The following LCOR variants were observed in gnomAD, a reference collection of about 807,000 sequenced individuals.
LCOR encodes the protein ligand-dependent corepressor.
A neutral mutation model predicts 64.4 loss-of-function variants in LCOR; 14 were observed. The observed-to-expected ratio is 0.22, with a 90% CI of 0.14 to 0.34. The LOEUF is 0.34. LCOR is among the 10% of genes least tolerant of loss of function. The pLI is 1.00. For synonymous variants in LCOR, 643 were observed against 642.5 expected (o/e 1.00, Z -0.01); for missense variants, 1,686 against 1,765.3 (o/e 0.96, Z 0.80).
At chr10:96,930,007 C>T (rs1161376766) in intron 4 of LCOR, among the ~76,000 whole-genome samples, 2 of 152,262 alleles carry the variant, frequency 1.3e-5, no homozygotes, top group African/African-American at 4.8e-5. Context: ...ACTACAGTAA[C>T]ATAAAAAATC....
rs1182593104 is a variant in LCOR at position 96,982,376 on chromosome 10, C to T, written c.1916C>T (p.Pro639Leu). 1.9e-6 allele frequency: 3 copies of T among 1,614,202 alleles called. No homozygotes were observed. The highest frequency in any genetic ancestry group is 1.7e-6 in the Non-Finnish European group (2 of 1,180,030). ...GAAGGTGGCTCCACAGTCTCAGCTC[C>T]CACAGCAAGTGGGATGTCTTCTCCT... Reference protein sequence around the residue: ...LPEGGSTVSAPTASGMSSPEH... With the variant: ...LPEGGSTVSALTASGMSSPEH... The change falls in exon 8 of 8, where the codon CCC (proline) becomes CTC (leucine). Residue 639 changes from proline to leucine, a missense_variant. Physicochemically the swap from Pro to Leu is moderately conservative, Grantham distance 98 (BLOSUM62 -3). Around this residue, in one of 3 missense-constraint regions of LCOR, gnomAD observed 1,293 missense variants for 1,410.4 expected, o/e 0.92. Coordinates refer to ENST00000421806, the MANE Select transcript of LCOR (RefSeq NM_001346516.2).
intron 2 of LCOR, among the ~76,000 whole-genome samples, chr10:96,875,700 A>AAAAATAT (rs1846153384): frequency 1.3e-5 from 2 of 151,992 alleles, no homozygotes; most frequent in Admixed American, 6.6e-5. Context: ...TGTCTCTACA[A>AAAAATAT]AAAATATAAG....
intron 2 of LCOR, among the ~76,000 whole-genome samples, chr10:96,858,423 A>G (rs1163162264): frequency 6.6e-6 from 1 of 152,210 alleles, no homozygotes; most frequent in Non-Finnish European, 1.5e-5. Context: ...GATTGTGAGT[A>G]TAAAATGTTC....
At chr10:96,832,889 G>C (rs1845368710) in intron 1 of LCOR, 5 of 706,690 alleles carry the variant, frequency 7.1e-6, no homozygotes, top group Non-Finnish European at 8.7e-6. Flanking sequence ...CCCCACGCGC[G>C]GGGCGCGCCC....
intron 4 of LCOR, among the ~76,000 whole-genome samples, chr10:96,932,840 TAC>T (rs1467096895): frequency 5.9e-5 from 9 of 152,216 alleles, no homozygotes; most frequent in Non-Finnish European, 1.3e-4. Flanking sequence ...CAAGTGGGAA[TAC>T]AAATTGGTAT....
At chr10:96,913,708 G>T (rs994172849) in intron 4 of LCOR, among the ~76,000 whole-genome samples, 6 of 152,048 alleles carry the variant, frequency 3.9e-5, no homozygotes, top group Admixed American at 1.3e-4. Flanking sequence ...GATCACTTGG[G>T]GCCAGGAGTT....
chr10:96,969,974 G>T (rs1180130934), intron 7 of LCOR, among the ~76,000 whole-genome samples: 13 of 53,730 alleles, frequency 2.4e-4, no homozygotes, highest in Admixed American at 5.2e-4. Context: ...TTTTTTTTTA[G>T]TAGAGATGGG....
intron 2 of LCOR, among the ~76,000 whole-genome samples, chr10:96,904,715 A>G (rs1379076090): frequency 6.6e-6 from 1 of 152,184 alleles, no homozygotes; most frequent in Non-Finnish European, 1.5e-5. Context: ...TTAGTTTTCC[A>G]TGGCATTTTG....
chr10:96,959,346 T>C (rs977285730), intron 7 of LCOR: 9 of 152,192 alleles, frequency 5.9e-5, no homozygotes, highest in African/African-American at 2.2e-4. Context: ...CCTCACATTT[T>C]CCAGTAGGCA....
At chr10:96,942,404 C>T (rs1443038099) in intron 4 of LCOR, among the ~76,000 whole-genome samples, 1 of 152,082 alleles carries the variant, frequency 6.6e-6, no homozygotes, top group Non-Finnish European at 1.5e-5. Flanking sequence ...TACCGTCCAG[C>T]TTTGGCTCGG....
chr10:96,858,228 CTTTAACAGGTGAAACAT>C (rs1845835851), intron 2 of LCOR, among the ~76,000 whole-genome samples: 1 of 152,084 alleles, frequency 6.6e-6, no homozygotes, highest in Non-Finnish European at 1.5e-5. Flanking sequence ...GAAACGTGAC[CTTTAACAGGTGAAACAT>C]TTTATCTAGT....
At chr10:96,894,737 A>C (rs1204957710) in intron 2 of LCOR, among the ~76,000 whole-genome samples, 2 of 152,218 alleles carry the variant, frequency 1.3e-5, no homozygotes, top group Non-Finnish European at 2.9e-5. Flanking sequence ...GGTAAAAAGT[A>C]ATGATTTTTA....
intron 4 of LCOR, among the ~76,000 whole-genome samples, chr10:96,938,854 A>G (rs756037153): frequency 6.6e-6 from 1 of 152,240 alleles, no homozygotes; most frequent in Non-Finnish European, 1.5e-5. Flanking sequence ...TGTAAATTAC[A>G]AAATGTTACT....
intron 2 of LCOR, among the ~76,000 whole-genome samples, chr10:96,889,226 G>A (rs1207028686): frequency 2.0e-5 from 3 of 152,086 alleles, no homozygotes; most frequent in Non-Finnish European, 4.4e-5. Context: ...TCATATAAAT[G>A]GAATCATACA....
At chr10:96,925,225 A>G (rs1207448773) in intron 4 of LCOR, among the ~76,000 whole-genome samples, 1 of 151,908 alleles carries the variant, frequency 6.6e-6, no homozygotes, top group African/African-American at 2.4e-5. Flanking sequence ...ACAGGTGTGC[A>G]CCACCACGCT....
intron 2 of LCOR, among the ~76,000 whole-genome samples, chr10:96,862,628 C>A (rs1486314473): frequency 6.6e-6 from 1 of 152,132 alleles, no homozygotes; most frequent in African/African-American, 2.4e-5. Context: ...GCCCTTTTCC[C>A]TTCTCCAGAG....
At chr10:96,847,814 G>A (rs1011097939) in intron 2 of LCOR, among the ~76,000 whole-genome samples, 1 of 152,188 alleles carries the variant, frequency 6.6e-6, no homozygotes, top group Non-Finnish European at 1.5e-5. Context: ...GCAAGAGAAT[G>A]TAAATTAATG....
chr10:96,902,926 A>T (rs1234653323), intron 2 of LCOR, among the ~76,000 whole-genome samples: 3 of 152,194 alleles, frequency 2.0e-5, no homozygotes, highest in African/African-American at 7.2e-5. Context: ...ACAAACCTAG[A>T]TAATATAGCC....
At chr10:96,939,846 T>C (rs549269506) in intron 4 of LCOR, among the ~76,000 whole-genome samples, 82 of 152,216 alleles carry the variant, frequency 5.4e-4, no homozygotes, top group African/African-American at 1.9e-3. Flanking sequence ...GCCTGTAGTC[T>C]CAGCTACTCT....
Sources: gnomAD v4.1 joint callset for allele counts (sites outside exome capture counted in the v4.1 genomes callset) on GRCh38, gnomAD v4.1.1 for gene constraint, gnomAD v4.1.1 regional missense constraint, MANE v1.5 for transcripts, NCBI Gene and HGNC (gene_info 2026-07-23, HGNC 2026-07-21) for gene names.